Variants in PDSS2 observed in about 807,000 individuals in gnomAD.
PDSS2 encodes decaprenyl diphosphate synthase subunit 2.
Under a neutral mutation model 44.5 loss-of-function variants are expected in PDSS2, and 31 were observed. The ratio of observed to expected loss-of-function variants is 0.70; its 90% confidence interval spans 0.52 to 0.94. The LOEUF (loss-of-function observed/expected upper bound fraction) is 0.94, where lower values mean the gene tolerates loss of function less well. Ranked by LOEUF, PDSS2 falls within the 40% of genes least tolerant of loss-of-function variation. The probability of loss-of-function intolerance (pLI) is 0.00; values close to 1 mark genes in which losing one functional copy is unlikely to be tolerated. For missense variants in PDSS2, 452 were observed against 482.2 expected (o/e 0.94, Z 0.59); for synonymous variants, 157 against 180.3 (o/e 0.87, Z 1.03).
At chr6:107,381,006 G>T (rs574036483) in intron 1 of PDSS2, among the ~76,000 whole-genome samples, 1 of 152,318 alleles carries the variant, frequency 6.6e-6, no homozygotes, top group African/African-American at 2.4e-5. Flanking sequence ...ATTTTAGTGT[G>T]AAGGAAAGCA....
At chr6:107,271,087 C>A (rs539769088) in intron 3 of PDSS2, among the ~76,000 whole-genome samples, 3 of 152,278 alleles carry the variant, frequency 2.0e-5, no homozygotes, top group Admixed American at 2.0e-4. Flanking sequence ...TGCATATATA[C>A]CTTCTGCAAC....
At chr6:107,436,186 T>C (rs191393835) in intron 1 of PDSS2, among the ~76,000 whole-genome samples, 11 of 152,314 alleles carry the variant, frequency 7.2e-5, no homozygotes, top group Non-Finnish European at 1.2e-4. Context: ...ATGGATTTTT[T>C]TGGTAACTAA....
chr6:107,355,812 A>T (rs1046997527), intron 1 of PDSS2, among the ~76,000 whole-genome samples: 1 of 152,236 alleles, frequency 6.6e-6, no homozygotes, highest in Non-Finnish European at 1.5e-5. Context: ...CAATAGTCAT[A>T]TCCCAGCATA....
At chr6:107,437,869 CG>C (rs986831043) in intron 1 of PDSS2, among the ~76,000 whole-genome samples, 1 of 152,154 alleles carries the variant, frequency 6.6e-6, no homozygotes, top group Non-Finnish European at 1.5e-5. Flanking sequence ...CTTTCACTCT[CG>C]ACACAGGAAA....
At position 107,422,456 on chromosome 6, in the gene PDSS2, CA is replaced by C. The variant is rs573219862; in HGVS notation, c.296+36533del. Among the ~76,000 whole-genome samples the C allele has an allele frequency of 9.8e-4, 149 of 151,896 alleles. 1 individual carries two copies. The highest frequency in any genetic ancestry group is 3.5e-3 in the African/African-American group (145 of 41,456). On this transcript the variant is annotated intron_variant, in intron 1 of 7. Coordinates refer to ENST00000369037, the MANE Select transcript of PDSS2 (RefSeq NM_020381.4). Reference sequence around the variant, plus strand: ...ATTCATACTCTTAATCCCAAAAAGTCAATATTTAGGAAGGTATCCTAAGGAA... The same window carrying C: ...ATTCATACTCTTAATCCCAAAAAGTCATATTTAGGAAGGTATCCTAAGGAA...
At chr6:107,195,409 G>A (rs534655210) in intron 6 of PDSS2, among the ~76,000 whole-genome samples, 9 of 150,068 alleles carry the variant, frequency 6.0e-5, no homozygotes, top group Non-Finnish European at 8.9e-5. Context: ...CTGAGCCTGG[G>A]AGGTTGAGGC....
chr6:107,161,896 C>A (rs1771147728), intron 7 of PDSS2, among the ~76,000 whole-genome samples: 1 of 152,028 alleles, frequency 6.6e-6, no homozygotes, highest in Admixed American at 6.6e-5. Flanking sequence ...TTTTCTGATC[C>A]ATTTGAAAGT....
intron 1 of PDSS2, among the ~76,000 whole-genome samples, chr6:107,384,845 A>C (rs865922405): frequency 1.4e-4 from 22 of 152,220 alleles, no homozygotes; most frequent in African/African-American, 3.4e-4. Flanking sequence ...CAAAATTCTC[A>C]ATTTCCGCAA....
chr6:107,270,788 TA>T (rs1775574345), intron 3 of PDSS2, among the ~76,000 whole-genome samples: 1 of 152,202 alleles, frequency 6.6e-6, no homozygotes. Context: ...GCTTTATGTT[TA>T]ATAGAATATA....
intron 1 of PDSS2, among the ~76,000 whole-genome samples, chr6:107,399,413 C>T (rs1199839698): frequency 2.0e-5 from 3 of 152,192 alleles, no homozygotes; most frequent in Admixed American, 1.3e-4. Context: ...AAAACCAATG[C>T]ATCTTCTTCA....
chr6:107,444,285 C>G (rs1431102574), intron 1 of PDSS2, among the ~76,000 whole-genome samples: 1 of 152,158 alleles, frequency 6.6e-6, no homozygotes, highest in Non-Finnish European at 1.5e-5. Context: ...TTCACCTTAG[C>G]CTCCCAAAGT....
Position 107,222,180 on chromosome 6 carries a change from TA to T in PDSS2, c.703-9899del, listed in dbSNP as rs148320860. 1.6e-3 allele frequency among the ~76,000 whole-genome samples: 243 copies of T among 152,238 alleles called. 1 individual carries two copies. Among genetic ancestry groups the T allele is most frequent in the African/African-American group, 5.7e-3 (235 of 41,522 alleles). ...ACAGCCAAAAATTTACATACCTTATTATTTTTTTTAAAAAAGGTCAAGTATA... is the reference window on the plus strand; with the variant it reads ...ACAGCCAAAAATTTACATACCTTATTTTTTTTTTAAAAAAGGTCAAGTATA... On this transcript the variant is annotated intron_variant, in intron 4 of 7. Coordinates refer to ENST00000369037, the MANE Select transcript of PDSS2 (RefSeq NM_020381.4).
chr6:107,229,859 G>C (rs1773978506), intron 4 of PDSS2: 1 of 177,186 alleles, frequency 5.6e-6, no homozygotes, highest in African/African-American at 2.4e-5. Flanking sequence ...TATCCTTGGA[G>C]GGCAACAGTA....
chr6:107,217,690 G>C (rs765074217), intron 4 of PDSS2, among the ~76,000 whole-genome samples: 11 of 152,130 alleles, frequency 7.2e-5, no homozygotes, highest in Admixed American at 1.3e-4. Context: ...TTTGCCCTGT[G>C]ACTCAGGAAT....
chr6:107,212,966 C>T (rs1773277852), intron 4 of PDSS2, among the ~76,000 whole-genome samples: 1 of 152,048 alleles, frequency 6.6e-6, no homozygotes, highest in South Asian at 2.1e-4. Context: ...GATTGCACCA[C>T]TGCACTACAG....
intron 7 of PDSS2, among the ~76,000 whole-genome samples, chr6:107,193,195 G>C (rs1013872976): frequency 6.6e-6 from 1 of 152,218 alleles, no homozygotes; most frequent in African/African-American, 2.4e-5. Context: ...AGGGCTGTGT[G>C]TCAGAATTAT....
At chr6:107,392,911 T>C (rs1380674248) in intron 1 of PDSS2, among the ~76,000 whole-genome samples, 1 of 152,168 alleles carries the variant, frequency 6.6e-6, no homozygotes, top group Non-Finnish European at 1.5e-5. Context: ...CAATACAGTG[T>C]CCTTTATACC....
intron 1 of PDSS2, among the ~76,000 whole-genome samples, chr6:107,337,067 AC>A (rs1777926391): frequency 4.0e-5 from 6 of 151,562 alleles, no homozygotes; most frequent in Non-Finnish European, 5.9e-5. Context: ...ACACACACAC[AC>A]ACACACACAA....
chr6:107,398,702 G>T (rs1399685698), intron 1 of PDSS2, among the ~76,000 whole-genome samples: 4 of 152,144 alleles, frequency 2.6e-5, no homozygotes, highest in Admixed American at 2.0e-4. Flanking sequence ...CGAATTTCAG[G>T]CTCCCTTAGA....
Sources: gnomAD v4.1 joint callset for allele counts (sites outside exome capture counted in the v4.1 genomes callset) on GRCh38, gnomAD v4.1.1 for gene constraint, MANE v1.5 for transcripts, NCBI Gene and HGNC (gene_info 2026-07-23, HGNC 2026-07-21) for gene names.